The following TBCD variants were observed in gnomAD, a reference collection of about 807,000 sequenced individuals.
TBCD encodes the protein tubulin folding cofactor D.
A neutral mutation model predicts 169.3 loss-of-function variants in TBCD; 105 were observed. The ratio of observed to expected loss-of-function variants is 0.62; its 90% CI spans 0.53 to 0.73. The LOEUF (loss-of-function observed/expected upper bound fraction) is 0.73. Ranked by LOEUF, TBCD falls within the 30% of genes least tolerant of loss-of-function variation. TBCD has a pLI of 0.00. For missense variants in TBCD, 1,444 were observed against 1,600.1 expected (o/e 0.90, Z 1.66); for synonymous variants, 700 against 643.9 (o/e 1.09, Z -1.32).
At chr17:82,837,452 T>G (rs1043069431) in intron 13 of TBCD, among the ~76,000 whole-genome samples, 4 of 152,144 alleles carry the variant, frequency 2.6e-5, no homozygotes, top group Non-Finnish European at 5.9e-5. Context: ...GAGGTGCAGT[T>G]TTTCTCTAGA....
chr17:82,790,854 G>T (rs181692494), intron 7 of TBCD, among the ~76,000 whole-genome samples: 1 of 152,180 alleles, frequency 6.6e-6, no homozygotes, highest in East Asian at 1.9e-4. Context: ...CACCTGCACT[G>T]CAGAGAAGCT....
intron 23 of TBCD, among the ~76,000 whole-genome samples, chr17:82,919,132 G>T (rs1030180787): frequency 6.6e-6 from 1 of 152,176 alleles, no homozygotes; most frequent in Non-Finnish European, 1.5e-5. Flanking sequence ...TAGTTTACGG[G>T]GGGGGCCCAG....
intron 33 of TBCD, 101 bp from the exon 34 acceptor site, chr17:82,932,556 GC>G (rs1432984029): frequency 2.3e-6 from 2 of 870,692 alleles, no homozygotes; most frequent in African/African-American, 3.3e-5. Flanking sequence ...TATAAAGGGG[GC>G]TTGTCGCTTT....
chr17:82,794,844 T>C (rs2049988896), intron 7 of TBCD, among the ~76,000 whole-genome samples: 1 of 152,248 alleles, frequency 6.6e-6, no homozygotes, highest in Non-Finnish European at 1.5e-5. Context: ...GGAGGCTGCC[T>C]GTGTAATTCA....
chr17:82,755,117 G>A (rs1723552157), intron 1 of TBCD, among the ~76,000 whole-genome samples: 1 of 152,196 alleles, frequency 6.6e-6, no homozygotes, highest in Admixed American at 6.5e-5. Flanking sequence ...GTGGGAGGGC[G>A]TCCAGGGCAT....
chr17:82,783,689 T>G (rs758621201), intron 7 of TBCD, among the ~76,000 whole-genome samples: 5 of 152,204 alleles, frequency 3.3e-5, no homozygotes, highest in Non-Finnish European at 5.9e-5. Flanking sequence ...CCTCGTTCCC[T>G]TTATGGCCGA....
At chr17:82,794,744 C>T (rs1224415320) in intron 7 of TBCD, among the ~76,000 whole-genome samples, 3 of 152,342 alleles carry the variant, frequency 2.0e-5, no homozygotes, top group Admixed American at 6.5e-5. Flanking sequence ...TTGACTCGTT[C>T]CTTCCCTGTC....
chr17:82,865,556 T>G (rs965622013), intron 13 of TBCD: 2 of 985,214 alleles, frequency 2.0e-6, no homozygotes, highest in Non-Finnish European at 2.4e-6. Flanking sequence ...TCGGCTGCAC[T>G]GTGCACAGCC....
At chr17:82,900,130 A>G (rs1181060045) in intron 17 of TBCD, among the ~76,000 whole-genome samples, 1 of 152,208 alleles carries the variant, frequency 6.6e-6, no homozygotes, top group Admixed American at 6.5e-5. Context: ...CCTGTGTGTG[A>G]CGGAGGCCTG....
chr17:82,856,507 C>G (rs1271779573), intron 13 of TBCD, among the ~76,000 whole-genome samples: 1 of 152,126 alleles, frequency 6.6e-6, no homozygotes, highest in Non-Finnish European at 1.5e-5. Context: ...CTGCTGAAAT[C>G]CTGACTCCCA....
At chr17:82,795,109 A>G (rs1265825345) in intron 7 of TBCD, among the ~76,000 whole-genome samples, 1 of 152,258 alleles carries the variant, frequency 6.6e-6, no homozygotes, top group Non-Finnish European at 1.5e-5. Flanking sequence ...TCTGCTGTAG[A>G]GAATGTTGTA....
rs1389225544 is a variant in TBCD, at chr17:82,890,764, C to T, written c.1563+1067C>T. 1.3e-5 allele frequency among the ~76,000 whole-genome samples: 2 copies of T among 152,158 alleles called. No individual in the cohort carries two copies. Among genetic ancestry groups the T allele is most frequent in the African/African-American group, 2.4e-5 (1 of 41,438 alleles). ...CTGCATGTGTTCAGAGCCCTGAGCCCTGGTCGGAGCCAGTTCACTAGGAAG... is the reference window on the plus strand; with the variant it reads ...CTGCATGTGTTCAGAGCCCTGAGCCTTGGTCGGAGCCAGTTCACTAGGAAG... On this transcript the variant is annotated intron_variant, in intron 16 of 38. Coordinates refer to ENST00000355528, the MANE Select transcript of TBCD (RefSeq NM_005993.5). This position sits in a 1 kb window ranked among gnomAD's most constrained non-coding sequence, Gnocchi z 5.3.
intron 13 of TBCD, chr17:82,839,004 T>C (rs1193283075): frequency 3.6e-5 from 35 of 982,900 alleles, no homozygotes; most frequent in Non-Finnish European, 4.2e-5. Flanking sequence ...AGAAATTTCA[T>C]ATAAGGAAAA....
Position 82,871,763 on chromosome 17 carries a change from C to T in TBCD, c.1475+1383C>T, listed in dbSNP as rs539470870. Among the ~76,000 whole-genome samples the T allele has an allele frequency of 5.1e-4, 78 of 152,360 alleles. 1 individual carries two copies. Among genetic ancestry groups the T allele is most frequent in the Non-Finnish European group, 2.6e-4 (18 of 68,024 alleles). The stretch of plus-strand genomic sequence containing the variant: ...GCGAGCACCAGCAGGGCCTCCCCGG[C>T]ATGTGGCGGGGCCAGCGTTGGCCTG... On this transcript the variant is annotated intron_variant, in intron 14 of 38. Coordinates refer to ENST00000355528, the MANE Select transcript of TBCD (RefSeq NM_005993.5).
intron 13 of TBCD, chr17:82,830,406 C>T (rs1567850026): frequency 6.2e-7 from 1 of 1,611,826 alleles, no homozygotes; most frequent in African/African-American, 1.3e-5. Flanking sequence ...GGCACAGGGC[C>T]ACGGCTGCCG....
At chr17:82,898,405 A>G (rs1599346078) in intron 17 of TBCD, among the ~76,000 whole-genome samples, 1 of 152,078 alleles carries the variant, frequency 6.6e-6, no homozygotes, top group Admixed American at 6.6e-5. Context: ...GCTGCTTCCC[A>G]CAGCTCTGCT....
chr17:82,868,183 C>G (rs1327847033), intron 13 of TBCD, among the ~76,000 whole-genome samples: 1 of 152,190 alleles, frequency 6.6e-6, no homozygotes, highest in African/African-American at 2.4e-5. Context: ...GGAGCCGGCC[C>G]TGAGCTGCAC....
chr17:82,910,572 C>CTT (rs773777041), intron 22 of TBCD, among the ~76,000 whole-genome samples: 1 of 146,284 alleles, frequency 6.8e-6, no homozygotes, highest in Non-Finnish European at 1.5e-5. Flanking sequence ...CTCTTAGTGA[C>CTT]TTTTTTTTTT....
intron 37 of TBCD, among the ~76,000 whole-genome samples, chr17:82,940,221 G>GCGCACACACACACACA (rs1356825330): frequency 1.7e-3 from 224 of 131,798 alleles, no homozygotes; most frequent in East Asian, 2.5e-3. Context: ...TTGCACGCGC[G>GCGCACACACACACACA]CACACACACA....
Sources: gnomAD v4.1 joint callset for allele counts (sites outside exome capture counted in the v4.1 genomes callset) on GRCh38, gnomAD v4.1.1 for gene constraint, Gnocchi (gnomAD v3.1) non-coding constraint, MANE v1.5 for transcripts, NCBI Gene and HGNC (gene_info 2026-07-23, HGNC 2026-07-21) for gene names.